IKBKB-DT: variants seen among roughly 807,000 people sequenced by gnomAD.
IKBKB-DT encodes the protein IKBKB divergent transcript, also known as IKBKB antisense RNA.
intron 3 of IKBKB-DT, among the ~76,000 whole-genome samples, chr8:42,242,379 A>C (rs1807015034): frequency 6.6e-6 from 1 of 152,220 alleles, no homozygotes; most frequent in African/African-American, 2.4e-5. Flanking sequence ...TGTTATTAGC[A>C]GAGCTCACCT....
chr8:42,242,179 C>CA (rs1807012938), intron 3 of IKBKB-DT, among the ~76,000 whole-genome samples: 1 of 152,094 alleles, frequency 6.6e-6, no homozygotes, highest in African/African-American at 2.4e-5. Flanking sequence ...TGCACCACTG[C>CA]ACTCCAGCCT....
intron 3 of IKBKB-DT, among the ~76,000 whole-genome samples, chr8:42,262,231 A>G (rs1333757243): frequency 6.6e-6 from 1 of 152,002 alleles, no homozygotes; most frequent in Non-Finnish European, 1.5e-5. Context: ...ATGTATACGT[A>G]TGTAACTAAC....
At chr8:42,237,315 G>A (rs1458020356) in intron 3 of IKBKB-DT, among the ~76,000 whole-genome samples, 1 of 152,100 alleles carries the variant, frequency 6.6e-6, no homozygotes. Flanking sequence ...TTGAACTCCT[G>A]ATCTCAGGTG....
At chr8:42,264,813 C>T (rs909226718) in intron 2 of IKBKB-DT, among the ~76,000 whole-genome samples, 4 of 151,466 alleles carry the variant, frequency 2.6e-5, no homozygotes, top group Admixed American at 2.0e-4. Context: ...CCTGTCTCAG[C>T]CTCCCAAAGT....
intron 3 of IKBKB-DT, among the ~76,000 whole-genome samples, chr8:42,241,376 G>A (rs1379590738): frequency 6.6e-6 from 1 of 151,602 alleles, no homozygotes; most frequent in Non-Finnish European, 1.5e-5. Flanking sequence ...CACAGTAATA[G>A]GAAAAGGTTA....
At chr8:42,249,547 A>G (rs970997182) in intron 3 of IKBKB-DT, among the ~76,000 whole-genome samples, 2 of 151,976 alleles carry the variant, frequency 1.3e-5, no homozygotes, top group East Asian at 3.9e-4. Flanking sequence ...GGACTTTCTG[A>G]GTCTTAGGAT....
intron 3 of IKBKB-DT, among the ~76,000 whole-genome samples, chr8:42,253,270 A>C (rs909183552): frequency 1.3e-5 from 2 of 152,218 alleles, no homozygotes; most frequent in African/African-American, 4.8e-5. Context: ...TATAGCCTGA[A>C]AGCCCCTGCT....
intron 3 of IKBKB-DT, among the ~76,000 whole-genome samples, chr8:42,234,214 A>G (rs1215023904): frequency 6.6e-6 from 1 of 152,014 alleles, no homozygotes; most frequent in Non-Finnish European, 1.5e-5. Flanking sequence ...GTTAAGTTAG[A>G]CCTCTTTCAC....
At chr8:42,244,971 C>T (rs935346385) in intron 3 of IKBKB-DT, among the ~76,000 whole-genome samples, 5 of 152,010 alleles carry the variant, frequency 3.3e-5, no homozygotes, top group Non-Finnish European at 5.9e-5. Flanking sequence ...TAGTTTGGGC[C>T]GGGCGTGGTG....
intron 3 of IKBKB-DT, among the ~76,000 whole-genome samples, chr8:42,247,967 C>T (rs1807082763): frequency 1.3e-5 from 2 of 151,866 alleles, no homozygotes; most frequent in Admixed American, 1.3e-4. Flanking sequence ...GTAGTGGGCG[C>T]CTCTAATCCC....
intron 3 of IKBKB-DT, among the ~76,000 whole-genome samples, chr8:42,262,589 GCCA>G (rs1351508809): frequency 6.9e-6 from 1 of 145,918 alleles, no homozygotes; most frequent in Non-Finnish European, 1.5e-5. Context: ...ACAGGCACCC[GCCA>G]CCACACCAGG....
intron 3 of IKBKB-DT, among the ~76,000 whole-genome samples, chr8:42,257,373 G>A (rs1318425027): frequency 1.6e-4 from 24 of 151,870 alleles, no homozygotes; most frequent in East Asian, 7.7e-4. Flanking sequence ...GTGGTGGCAC[G>A]CGCCTGTAGT....
At chr8:42,240,396 G>C (rs952234765) in intron 3 of IKBKB-DT, among the ~76,000 whole-genome samples, 1 of 151,526 alleles carries the variant, frequency 6.6e-6, no homozygotes, top group South Asian at 2.1e-4. Flanking sequence ...AGGCCGAGGC[G>C]GGCAGATCAC....
intron 3 of IKBKB-DT, among the ~76,000 whole-genome samples, chr8:42,246,662 C>A (rs905162263): frequency 6.6e-6 from 1 of 152,128 alleles, no homozygotes; most frequent in African/African-American, 2.4e-5. Flanking sequence ...TGCAGAATCT[C>A]AGAGAGAAGG....
At chr8:42,271,221 C>G (rs768349441) in exon 1 of IKBKB-DT, 12 of 645,382 alleles carry the variant, frequency 1.9e-5, no homozygotes, top group African/African-American at 7.4e-5. Flanking sequence ...CCGGGACAGG[C>G]GCAGCACTCG....
intron 2 of IKBKB-DT, chr8:42,263,476 T>C (rs1360562406): frequency 6.6e-6 from 1 of 152,186 alleles, no homozygotes; most frequent in East Asian, 1.9e-4. Flanking sequence ...GGACTTCCTA[T>C]AACAAAATGG....
At position 42,257,779 on chromosome 8, in the gene IKBKB-DT, A is replaced by T. The variant is rs939225863; in HGVS notation, n.1529+5550T>A. On this transcript the variant is annotated intron_variant and non_coding_transcript_variant, in intron 3 of 3. Coordinates refer to ENST00000518213, the Ensembl canonical transcript of IKBKB-DT. The stretch of plus-strand genomic sequence containing the variant: ...GAGGAGACCTTATCTCTAAAAAAAA[A>T]TTTTCAAAGGACAATTTTTTTTTTA... Among the ~76,000 whole-genome samples the T allele has an allele frequency of 5.3e-5, 8 of 152,062 alleles. No homozygotes were observed. In the South Asian group the frequency reaches 1.7e-3, roughly 32 times the overall value.
intron 3 of IKBKB-DT, among the ~76,000 whole-genome samples, chr8:42,259,752 T>G (rs574559451): frequency 3.3e-5 from 5 of 151,968 alleles, no homozygotes; most frequent in Non-Finnish European, 5.9e-5. Context: ...GAGGCCAAGG[T>G]GGGTGGATTG....
At chr8:42,260,389 G>A (rs1447615986) in intron 3 of IKBKB-DT, among the ~76,000 whole-genome samples, 2 of 152,126 alleles carry the variant, frequency 1.3e-5, no homozygotes, top group African/African-American at 4.8e-5. Flanking sequence ...TTCAAGGCCG[G>A]GCGCAGTGGC....
Sources: allele counts gnomAD v4.1 joint callset (sites outside exome capture counted in the v4.1 genomes callset), GRCh38; gene constraint gnomAD v4.1.1; transcripts MANE v1.5; gene names NCBI Gene and HGNC (gene_info 2026-07-23, HGNC 2026-07-21).